SLC24A2: variants seen among roughly 807,000 people sequenced by gnomAD.
The protein encoded by SLC24A2 is solute carrier family 24 member 2, also known as sodium/potassium/calcium exchanger 2.
In SLC24A2, 36 loss-of-function variants were observed where a neutral mutation model predicts 62.0. The observed-to-expected ratio is 0.58, with a 90% CI of 0.44 to 0.77. The LOEUF (loss-of-function observed/expected upper bound fraction) is 0.77, where lower values mean the gene tolerates loss of function less well. SLC24A2 is among the 30% of genes least tolerant of loss of function. The pLI is 0.00. For synonymous variants in SLC24A2, 358 were observed against 294.0 expected (o/e 1.22, Z -2.23); for missense variants, 846 against 817.9 (o/e 1.03, Z -0.42).
chr9:19,991,406 A>G, the SLC24A2 span, among the ~76,000 whole-genome samples: 2 of 152,140 alleles, frequency 1.3e-5, no homozygotes, highest in Non-Finnish European at 1.5e-5. Context: ...TGCTGATTAG[A>G]TGGTGCCTAC....
intron 2 of SLC24A2, among the ~76,000 whole-genome samples, chr9:19,732,025 G>T (rs1423269064): frequency 6.6e-6 from 1 of 152,168 alleles, no homozygotes; most frequent in Non-Finnish European, 1.5e-5. Flanking sequence ...AGATTGGGTT[G>T]GCACATGGCA....
chr9:20,204,909 A>C, the SLC24A2 span, among the ~76,000 whole-genome samples: 1 of 151,796 alleles, frequency 6.6e-6, no homozygotes, highest in African/African-American at 2.4e-5. Flanking sequence ...ACACTCGGCT[A>C]ATTTTTTTTC....
chr9:19,982,096 G>C, the SLC24A2 span, among the ~76,000 whole-genome samples: 1 of 152,120 alleles, frequency 6.6e-6, no homozygotes, highest in African/African-American at 2.4e-5. Context: ...CTCTGGCTAG[G>C]GGGAGGAGAA....
At chr9:19,737,754 A>C (rs1454583555) in intron 2 of SLC24A2, among the ~76,000 whole-genome samples, 1 of 152,078 alleles carries the variant, frequency 6.6e-6, no homozygotes, top group Non-Finnish European at 1.5e-5. Context: ...TGAGTTTCAA[A>C]ATTTTAAATC....
the SLC24A2 span, among the ~76,000 whole-genome samples, chr9:20,295,527 G>A: frequency 6.6e-6 from 1 of 152,206 alleles, no homozygotes; most frequent in Non-Finnish European, 1.5e-5. Flanking sequence ...ATTAGTGTGT[G>A]AGTGTGAATG....
chr9:19,727,855 C>G (rs941413132), intron 2 of SLC24A2, among the ~76,000 whole-genome samples: 1 of 152,088 alleles, frequency 6.6e-6, no homozygotes, highest in African/African-American at 2.4e-5. Context: ...AACTACAAAT[C>G]GAGATCATTT....
intron 5 of SLC24A2, among the ~76,000 whole-genome samples, chr9:19,588,178 C>CTTTTTTT (rs3085622): frequency 5.3e-4 from 64 of 121,508 alleles, no homozygotes; most frequent in Non-Finnish European, 6.0e-4. Context: ...TTCTTTTTTT[C>CTTTTTTT]TTTTTTTTTT....
intron 4 of SLC24A2, among the ~76,000 whole-genome samples, chr9:19,598,920 G>C (rs1836773975): frequency 6.6e-6 from 1 of 152,146 alleles, no homozygotes; most frequent in African/African-American, 2.4e-5. Flanking sequence ...CCTTCCCTGA[G>C]GTAAGCAGTG....
At chr9:20,228,103 A>C in the SLC24A2 span, among the ~76,000 whole-genome samples, 1 of 152,158 alleles carries the variant, frequency 6.6e-6, no homozygotes, top group African/African-American at 2.4e-5. Context: ...GAATGTCAGA[A>C]ACTGAAAAAA....
chr9:19,603,628 C>T (rs1157490681), intron 4 of SLC24A2, among the ~76,000 whole-genome samples: 2 of 152,140 alleles, frequency 1.3e-5, no homozygotes, highest in Non-Finnish European at 2.9e-5. Flanking sequence ...TTCCACTGCC[C>T]TGGCCTTATT....
At chr9:19,755,631 A>G (rs1822117378) in intron 2 of SLC24A2, among the ~76,000 whole-genome samples, 1 of 152,224 alleles carries the variant, frequency 6.6e-6, no homozygotes, top group Admixed American at 6.5e-5. Flanking sequence ...CAAATGCTCC[A>G]TTTTCCTCAG....
At chr9:19,858,035 C>T in the SLC24A2 span, among the ~76,000 whole-genome samples, 3 of 152,138 alleles carry the variant, frequency 2.0e-5, no homozygotes, top group Non-Finnish European at 4.4e-5. Context: ...AAAAAAGAGC[C>T]TGAATAGCCA....
At chr9:20,131,955 G>A in the SLC24A2 span, among the ~76,000 whole-genome samples, 5 of 152,228 alleles carry the variant, frequency 3.3e-5, no homozygotes, top group South Asian at 8.3e-4. Context: ...AACAGTTTAT[G>A]TAATTAAGTG....
chr9:19,981,090 A>G, the SLC24A2 span, among the ~76,000 whole-genome samples: 1,269 of 152,324 alleles, frequency 8.3e-3, 22 homozygotes, highest in African/African-American at 0.027. Context: ...GGACAAACCA[A>G]TAAGAAAGAT....
At chr9:19,671,134 T>C (rs1819402244) in intron 2 of SLC24A2, among the ~76,000 whole-genome samples, 1 of 79,874 alleles carries the variant, frequency 1.3e-5, no homozygotes, top group Admixed American at 1.6e-4. Flanking sequence ...GTAGATTGCT[T>C]TTGGCAGCAT....
intron 8 of SLC24A2, among the ~76,000 whole-genome samples, chr9:19,544,582 C>T (rs1031474790): frequency 6.6e-6 from 1 of 152,060 alleles, no homozygotes; most frequent in Non-Finnish European, 1.5e-5. Context: ...TGTTCCTCTC[C>T]ATGTTTAGTG....
At chr9:20,179,770 G>A in the SLC24A2 span, among the ~76,000 whole-genome samples, 1 of 152,172 alleles carries the variant, frequency 6.6e-6, no homozygotes, top group Non-Finnish European at 1.5e-5. Flanking sequence ...GACAGACTGA[G>A]GGTTAAGTGC....
At chr9:20,083,903 A>G in the SLC24A2 span, among the ~76,000 whole-genome samples, 1 of 152,180 alleles carries the variant, frequency 6.6e-6, no homozygotes, top group Non-Finnish European at 1.5e-5. Flanking sequence ...CGTTTCCTCT[A>G]GTTCGATGTC....
At chr9:20,068,835 G>C in the SLC24A2 span, among the ~76,000 whole-genome samples, 3 of 152,162 alleles carry the variant, frequency 2.0e-5, no homozygotes, top group East Asian at 5.8e-4. Context: ...CTGTCAGCCT[G>C]TTCATCTTCT....
Sources: gnomAD v4.1 joint callset for allele counts (sites outside exome capture counted in the v4.1 genomes callset) on GRCh38, gnomAD v4.1.1 for gene constraint, MANE v1.5 for transcripts, NCBI Gene and HGNC (gene_info 2026-07-23, HGNC 2026-07-21) for gene names.